Variants in MBD5 observed in about 807,000 individuals in gnomAD.
MBD5 encodes the protein methyl-CpG binding domain protein 5.
A neutral mutation model predicts 117.3 loss-of-function variants in MBD5; 13 were observed. That is an observed-to-expected ratio of 0.11 (90% CI 0.07 to 0.18). MBD5 has a LOEUF of 0.18. Among genes scored for constraint, MBD5 ranks in the 10% least tolerant of loss-of-function variants. The probability of loss-of-function intolerance (pLI) is 1.00; values close to 1 mark genes in which losing one functional copy is unlikely to be tolerated. For synonymous variants in MBD5, 727 were observed against 766.4 expected (o/e 0.95, Z 0.85); for missense variants, 1,879 against 2,093.8 (o/e 0.90, Z 2.00).
Position 148,050,425 on chromosome 2 carries a change from T to C in MBD5, c.-925+28741T>C, listed in dbSNP as rs143899366. Among the ~76,000 whole-genome samples the C allele has an allele frequency of 5.5e-3, 839 of 152,298 alleles. 31 individuals carry two copies. Among genetic ancestry groups the C allele is most frequent in the Admixed American group, 0.05 (766 of 15,296 alleles). On this transcript the variant is annotated intron_variant, in intron 1 of 13. Coordinates refer to ENST00000642680, the MANE Select transcript of MBD5 (RefSeq NM_001378120.1). ...TCGTGTTTGCCTTTTCATTATCTTT[T>C]TATTATTGAATTGTAAGAGTTCTTT...
intron 11 of MBD5, among the ~76,000 whole-genome samples, chr2:148,491,981 A>G (rs1007999328): frequency 6.6e-6 from 1 of 151,936 alleles, no homozygotes; most frequent in Non-Finnish European, 1.5e-5. Flanking sequence ...AAAAAAGATT[A>G]TGGCCTCCCT....
At chr2:148,075,746 C>G (rs1695493577) in intron 1 of MBD5, among the ~76,000 whole-genome samples, 1 of 151,760 alleles carries the variant, frequency 6.6e-6, no homozygotes, top group Non-Finnish European at 1.5e-5. Context: ...GCGTCTCACT[C>G]AGGATTAATA....
At chr2:148,253,599 C>T (rs1482481787) in intron 3 of MBD5, among the ~76,000 whole-genome samples, 2 of 152,148 alleles carry the variant, frequency 1.3e-5, no homozygotes, top group African/African-American at 4.8e-5. Context: ...TTATTCTATA[C>T]TGTAGTCTAT....
Position 148,483,179 on chromosome 2 carries a change from C to T in MBD5, c.2588C>T (p.Ser863Phe), listed in dbSNP as rs1414103234. 6.2e-7 allele frequency: 1 copy of T among 1,613,716 alleles called. No individual in the cohort carries two copies. Among genetic ancestry groups the T allele is most frequent in the Non-Finnish European group, 8.5e-7 (1 of 1,179,954 alleles). The change falls in exon 9 of 14, where the codon TCT (serine) becomes TTT (phenylalanine). Residue 863 changes from serine (S) to phenylalanine (F), a missense_variant. Around this residue, in one of 4 missense-constraint regions of MBD5, gnomAD observed 1,666 missense variants for 1,792.2 expected, o/e 0.93. Transcript: ENST00000642680. ...CACCCTGCCATCACAAAGACAACAT[C>T]TGTTCTTCAAGATGGCGTCATAGTC... ...TNHPAITKTTSVLQDGVIVTT... is the reference protein window; with the variant it reads ...TNHPAITKTTFVLQDGVIVTT...
intron 4 of MBD5, among the ~76,000 whole-genome samples, chr2:148,357,610 A>G (rs1409532851): frequency 6.6e-6 from 1 of 151,880 alleles, no homozygotes; most frequent in African/African-American, 2.4e-5. Flanking sequence ...TTATTTTCTT[A>G]TAATTCTCCC....
At chr2:148,105,752 A>G (rs189595432) in intron 1 of MBD5, among the ~76,000 whole-genome samples, 8 of 152,068 alleles carry the variant, frequency 5.3e-5, no homozygotes, top group Admixed American at 3.3e-4. Context: ...TATTAAACCT[A>G]TTCTATTCAA....
chr2:148,219,943 A>G (rs1699644282), intron 2 of MBD5: 1 of 152,212 alleles, frequency 6.6e-6, no homozygotes, highest in East Asian at 1.9e-4. Context: ...CACTCATTTG[A>G]CAGATAATGA....
intron 2 of MBD5, among the ~76,000 whole-genome samples, chr2:148,203,138 T>TTTTTAA (rs1050321415): frequency 6.7e-6 from 1 of 150,050 alleles, no homozygotes; most frequent in Non-Finnish European, 1.5e-5. Flanking sequence ...AACTAATGAA[T>TTTTTAA]TTTTAATTTT....
intron 2 of MBD5, among the ~76,000 whole-genome samples, chr2:148,231,690 G>A (rs1699990685): frequency 6.6e-6 from 1 of 152,100 alleles, no homozygotes; most frequent in Admixed American, 6.6e-5. Flanking sequence ...TTACTGCAAG[G>A]CTGTTAACAT....
intron 1 of MBD5, among the ~76,000 whole-genome samples, chr2:148,087,394 A>G (rs1033690395): frequency 3.3e-5 from 5 of 152,230 alleles, no homozygotes; most frequent in African/African-American, 1.2e-4. Context: ...TGTGACTGTC[A>G]CTGCTACTAT....
intron 1 of MBD5, among the ~76,000 whole-genome samples, chr2:148,131,185 TC>T (rs1302530076): frequency 6.6e-6 from 1 of 152,226 alleles, no homozygotes; most frequent in African/African-American, 2.4e-5. Context: ...GCACTTATTT[TC>T]CTGTCTTCAC....
chr2:148,183,274 T>G (rs1198722547), intron 2 of MBD5, among the ~76,000 whole-genome samples: 2 of 152,022 alleles, frequency 1.3e-5, no homozygotes, highest in East Asian at 3.9e-4. Flanking sequence ...GATTTTCCCC[T>G]TATCTTAGAG....
chr2:148,241,806 T>C (rs1465876429), intron 3 of MBD5, among the ~76,000 whole-genome samples: 1 of 152,178 alleles, frequency 6.6e-6, no homozygotes, highest in South Asian at 2.1e-4. Context: ...ACTCTTTCTA[T>C]TTCTGCCTTC....
chr2:148,460,839 C>T (rs1350122965), intron 5 of MBD5, among the ~76,000 whole-genome samples: 5 of 152,100 alleles, frequency 3.3e-5, no homozygotes, highest in South Asian at 4.2e-4. Flanking sequence ...TCTAGGATTC[C>T]GTCCATATAC....
intron 3 of MBD5, among the ~76,000 whole-genome samples, chr2:148,246,427 G>A (rs1248592592): frequency 6.6e-6 from 1 of 152,018 alleles, no homozygotes; most frequent in Non-Finnish European, 1.5e-5. Flanking sequence ...ATGTTAAATA[G>A]TACTGAGTGC....
At chr2:148,162,923 A>G (rs1388105061) in intron 1 of MBD5, among the ~76,000 whole-genome samples, 1 of 152,196 alleles carries the variant, frequency 6.6e-6, no homozygotes, top group Non-Finnish European at 1.5e-5. Context: ...AGAGAACTTA[A>G]TGTACCAAAT....
chr2:148,325,062 C>T (rs1702406293), intron 3 of MBD5, among the ~76,000 whole-genome samples: 1 of 152,146 alleles, frequency 6.6e-6, no homozygotes, highest in African/African-American at 2.4e-5. Context: ...TGAATTTTGT[C>T]ACAGGCCTTT....
Position 148,322,992 on chromosome 2 carries a change from C to A in MBD5, c.-679-19222C>A, listed in dbSNP as rs1253464422. 1.2e-4 allele frequency among the ~76,000 whole-genome samples: 17 copies of A among 139,702 alleles called. 1 individual carries two copies. The highest frequency in any genetic ancestry group is 2.9e-4 in the Admixed American group (4 of 13,778). The allele number at this position is 139,702 out of a possible 152,430, so 91.6% of individuals were successfully genotyped here. ...GTATATCTCCCAATGCTATCCCTCCCCACTCCCCCAACCCCACAACAGTCC... is the reference window on the plus strand; with the variant it reads ...GTATATCTCCCAATGCTATCCCTCCACACTCCCCCAACCCCACAACAGTCC... On this transcript the variant is annotated intron_variant, in intron 3 of 13. Transcript: ENST00000642680.
chr2:148,040,167 C>A (rs1187814708), intron 1 of MBD5, among the ~76,000 whole-genome samples: 1 of 151,806 alleles, frequency 6.6e-6, no homozygotes, highest in Non-Finnish European at 1.5e-5. Context: ...GCACATGTAC[C>A]CCTGAACCTA....
Sources: allele counts gnomAD v4.1 joint callset (sites outside exome capture counted in the v4.1 genomes callset), GRCh38; gene constraint gnomAD v4.1.1; regional missense constraint gnomAD v4.1.1; transcripts MANE v1.5; gene names NCBI Gene and HGNC (gene_info 2026-07-23, HGNC 2026-07-21).